The following HTT variants were observed in gnomAD, a reference collection of about 807,000 sequenced individuals.
The protein encoded by HTT is huntington disease protein.
HTT carries 104 observed loss-of-function variants against 362.3 expected under a neutral mutation model. The ratio of observed to expected loss-of-function variants is 0.29; its 90% CI spans 0.24 to 0.34. The LOEUF (loss-of-function observed/expected upper bound fraction) is 0.34. HTT is among the 10% of genes least tolerant of loss of function. The pLI, the probability that HTT is intolerant of heterozygous loss-of-function variation, is 1.00. For synonymous variants in HTT, 1,577 were observed against 1,548.7 expected, an observed-to-expected ratio of 1.02 and a Z score of -0.43; for missense variants, 3,301 against 3,928.6, an observed-to-expected ratio of 0.84 and a Z score of 4.27.
At chr4:3,094,125 G>A (rs1177862013) in intron 2 of HTT, among the ~76,000 whole-genome samples, 1 of 151,350 alleles carries the variant, frequency 6.6e-6, no homozygotes, top group Admixed American at 6.6e-5. Context: ...GACTCTTAAC[G>A]AGTATGCTGC....
intron 53 of HTT, among the ~76,000 whole-genome samples, chr4:3,220,691 C>T (rs750790765): frequency 6.6e-6 from 1 of 151,928 alleles, no homozygotes; most frequent in Non-Finnish European, 1.5e-5. Flanking sequence ...TCTCAGTGGT[C>T]CATTTTCTCA....
intron 54 of HTT, 121 bp downstream of exon 54, chr4:3,222,608 A>G (rs1720731932): frequency 2.8e-6 from 2 of 703,164 alleles, no homozygotes; most frequent in Non-Finnish European, 4.8e-6. Flanking sequence ...TATTTTTGAA[A>G]GAGTAGCTGA....
chr4:3,162,776 G>T (rs1717509412), intron 29 of HTT, among the ~76,000 whole-genome samples: 2 of 152,168 alleles, frequency 1.3e-5, no homozygotes, highest in South Asian at 4.1e-4. Context: ...CATTGATTTT[G>T]TATCCTGAGA....
intron 4 of HTT, among the ~76,000 whole-genome samples, chr4:3,104,636 C>T (rs921737807): frequency 2.0e-5 from 3 of 151,754 alleles, no homozygotes; most frequent in Non-Finnish European, 4.4e-5. Context: ...AAAATTGGGC[C>T]GGGTGTGGTG....
chr4:3,081,619 C>T (rs529701809), intron 1 of HTT, among the ~76,000 whole-genome samples: 231 of 132,438 alleles, frequency 1.7e-3, no homozygotes, highest in Non-Finnish European at 2.6e-3. Context: ...AGTGCAGTGG[C>T]GCGATCTCGG....
Position 3,138,347 on chromosome 4 carries a change from A to C in HTT, c.2798+2021A>C, listed in dbSNP as rs569930662. Among the ~76,000 whole-genome samples the C allele has an allele frequency of 6.4e-4, 98 of 152,278 alleles. 1 individual carries two copies. In the South Asian group the frequency reaches 0.02, roughly 31 times the overall value. ...ATTTTAGTACACCTGTCACCCGAGT[A>C]GTGTACCTTGTACCCAATATGTAGT... On this transcript the variant is annotated intron_variant, in intron 21 of 66. Transcript: ENST00000355072.
intron 2 of HTT, among the ~76,000 whole-genome samples, chr4:3,091,628 C>T (rs1713516199): frequency 6.6e-6 from 1 of 152,186 alleles, no homozygotes. Flanking sequence ...TGTTCTCCGA[C>T]TCCCAGCCTC....
chr4:3,111,338 T>C (rs1439048071), intron 6 of HTT, among the ~76,000 whole-genome samples: 1 of 151,944 alleles, frequency 6.6e-6, no homozygotes, highest in Non-Finnish European at 1.5e-5. Context: ...GGATTACAGG[T>C]GTGCACCACC....
Position 3,228,975 on chromosome 4 carries a change from C to A in HTT, c.8075C>A (p.Thr2692Asn). 6.2e-7 allele frequency: 1 copy of A among 1,613,734 alleles called. No individual in the cohort carries two copies. Among genetic ancestry groups the A allele is most frequent in the Non-Finnish European group, 8.5e-7 (1 of 1,179,780 alleles). The part of the protein sequence containing the change: ...WILPSSSARR[T>N]PAILISEVVR... ...CTGCCGTCCAGCTCAGCCAGGAGGA[C>A]CCCGGCCATCCTGATCAGTGAGGTG... Residue 2692 changes from threonine to asparagine, a missense_variant, in exon 59 of 67, where the codon ACC (threonine) becomes AAC (asparagine). Thr to Asn is a moderately conservative substitution (Grantham distance 65, BLOSUM62 0). Around this residue, in one of 4 missense-constraint regions of HTT, gnomAD observed 753 missense variants for 1,021.3 expected, o/e 0.74. Transcript: ENST00000355072. The surrounding 1 kb of genome is among the most constrained non-coding windows in gnomAD (Gnocchi z 4.3).
chr4:3,172,849 G>A, intron 30 of HTT, 59 bp from the exon 31 acceptor site: 1 of 1,131,738 alleles, frequency 8.8e-7, no homozygotes, highest in Non-Finnish European at 1.4e-6. Context: ...ATTTGTGTGG[G>A]AGATTCTTAA....
chr4:3,238,371 A>G, intron 64 of HTT, 76 bp from the exon 65 acceptor site: 1 of 1,148,056 alleles, frequency 8.7e-7, no homozygotes, highest in East Asian at 2.6e-5. Context: ...CCAGTATTAG[A>G]GCCAAGGCCC....
chr4:3,094,477 C>T (rs1713711760), intron 2 of HTT, among the ~76,000 whole-genome samples: 1 of 151,938 alleles, frequency 6.6e-6, no homozygotes, highest in Non-Finnish European at 1.5e-5. Context: ...CTCCTCACTT[C>T]CCAGATGGGG....
chr4:3,138,936 A>G (rs1466399922), intron 21 of HTT, among the ~76,000 whole-genome samples: 1 of 152,174 alleles, frequency 6.6e-6, no homozygotes, highest in Non-Finnish European at 1.5e-5. Flanking sequence ...AAAATAACTT[A>G]CCTTCTTTTG....
At chr4:3,081,963 T>C (rs1384471036) in intron 1 of HTT, among the ~76,000 whole-genome samples, 1 of 152,162 alleles carries the variant, frequency 6.6e-6, no homozygotes, top group East Asian at 1.9e-4. Context: ...GCAGCACAGA[T>C]GAAAAACAAA....
chr4:3,145,006 A>G (rs542341357), intron 23 of HTT, 146 bp from the exon 24 acceptor site: 7 of 677,380 alleles, frequency 1.0e-5, no homozygotes, highest in Admixed American at 9.8e-5. Flanking sequence ...AAGTTGTACC[A>G]TGGTGGGACA....
rs1173443919 is a variant in HTT at position 3,157,092 on chromosome 4, T to C, written c.3646T>C (p.Ser1216Pro). ...ASAASRQSDTSGPVTTSKSSS... is the reference protein window; with the variant it reads ...ASAASRQSDTPGPVTTSKSSS... Reference sequence around the variant, plus strand: ...TAAAGCTTCTAGACAATCTGATACCTCAGGTCCTGTTACAACAAGTAAATC... The same window carrying C: ...TAAAGCTTCTAGACAATCTGATACCCCAGGTCCTGTTACAACAAGTAAATC... The change falls in exon 28 of 67, where the codon TCA becomes CCA. Residue 1216 changes from serine to proline, a missense_variant. This residue lies in a region of HTT where 2,316 missense variants were observed against 2,658.5 expected (regional missense o/e 0.87). Transcript: ENST00000355072. 1 of 1,611,820 alleles carries C rather than the reference T, an allele frequency of 6.2e-7. No homozygotes were observed. Among genetic ancestry groups the C allele is most frequent in the Non-Finnish European group, 8.5e-7 (1 of 1,179,106 alleles).
rs765541508 is a variant in HTT, at chr4:3,087,030, C to T, written c.347+8C>T. ...AGTGGCACAGTCTGTCAGGTAATTG[C>T]ACTTTGAACTGTCTAGAGAAAATAA... On this transcript the variant is annotated splice_region_variant and intron_variant, in intron 2 of 66. Transcript: ENST00000355072. 1 of 1,495,328 alleles carries T rather than the reference C, an allele frequency of 6.7e-7. No individual in the cohort carries two copies. The highest frequency in any genetic ancestry group is 1.1e-5 in the South Asian group (1 of 87,646). The allele number at this position is 1,495,328 out of a possible 1,614,324, so 92.6% of individuals were successfully genotyped here. A position where few individuals can be genotyped will look rare whatever the true frequency, so the allele number is the denominator to read the frequency against.
chr4:3,210,079 G>A, intron 47 of HTT, 130 bp downstream of exon 47: 1 of 1,156,606 alleles, frequency 8.6e-7, no homozygotes, highest in Non-Finnish European at 1.2e-6. Context: ...GCAGGGACGG[G>A]ATGTCGGAGA....
chr4:3,116,080 C>T lies in HTT; in HGVS notation c.890-5C>T, dbSNP rs748858204. On this transcript the variant is annotated splice_polypyrimidine_tract_variant and splice_region_variant and intron_variant, in intron 7 of 66. Coordinates refer to ENST00000355072, the MANE Select transcript of HTT (RefSeq NM_001388492.1). ...TGTTAAGATGTCTTGCTTCCACCCC[C>T]ACAGGCTTACTCGTTCCTGTCGAGG... 4 of 1,601,040 alleles carry T rather than the reference C, an allele frequency of 2.5e-6. No homozygotes were observed. The highest frequency in any genetic ancestry group is 1.3e-5 in the African/African-American group (1 of 74,672).
Sources: gnomAD v4.1 joint callset for allele counts (sites outside exome capture counted in the v4.1 genomes callset) on GRCh38, gnomAD v4.1.1 for gene constraint, gnomAD v4.1.1 regional missense constraint, Gnocchi (gnomAD v3.1) non-coding constraint, MANE v1.5 for transcripts, NCBI Gene and HGNC (gene_info 2026-07-23, HGNC 2026-07-21) for gene names.